The following SLC35D4 variants were observed in gnomAD, a reference collection of about 807,000 sequenced individuals.
The protein encoded by SLC35D4 is UDP-N-acetylglucosamine transporter SLC35D4.
chr18:23,328,674 T>C, the SLC35D4 span, among the ~76,000 whole-genome samples: 1 of 152,156 alleles, frequency 6.6e-6, no homozygotes, highest in African/African-American at 2.4e-5. Context: ...AAGCTACCAA[T>C]GACTTTCTTC....
the SLC35D4 span, among the ~76,000 whole-genome samples, chr18:23,282,691 G>A: frequency 6.6e-6 from 1 of 152,160 alleles, no homozygotes; most frequent in Non-Finnish European, 1.5e-5. Context: ...GGGTGGGAGT[G>A]GGGGGCAATG....
chr18:23,294,386 T>C, the SLC35D4 span, among the ~76,000 whole-genome samples: 53 of 152,170 alleles, frequency 3.5e-4, no homozygotes, highest in African/African-American at 1.2e-3. Flanking sequence ...GGGCTCATCC[T>C]TCATTCAGCG....
chr18:23,369,656 G>C, the SLC35D4 span, among the ~76,000 whole-genome samples: 2 of 152,184 alleles, frequency 1.3e-5, no homozygotes, highest in African/African-American at 4.8e-5. Context: ...GAAGGAAGGA[G>C]ATTGAGACTT....
the SLC35D4 span, among the ~76,000 whole-genome samples, chr18:23,385,659 T>C: frequency 3.3e-5 from 5 of 151,368 alleles, no homozygotes; most frequent in African/African-American, 9.7e-5. Context: ...GACAGGAAGG[T>C]AGAGAGGTAT....
chr18:23,263,326 C>T, the SLC35D4 span, among the ~76,000 whole-genome samples: 1 of 152,192 alleles, frequency 6.6e-6, no homozygotes, highest in Non-Finnish European at 1.5e-5. Context: ...CTTCTCCCTG[C>T]CCTTCCCAGC....
At chr18:23,295,301 A>G in the SLC35D4 span, among the ~76,000 whole-genome samples, 3 of 151,988 alleles carry the variant, frequency 2.0e-5, no homozygotes, top group African/African-American at 7.3e-5. Flanking sequence ...AGGTGCAGCA[A>G]ACCACCACGG....
chr18:23,363,659 T>C, the SLC35D4 span, among the ~76,000 whole-genome samples: 26 of 151,788 alleles, frequency 1.7e-4, no homozygotes, highest in East Asian at 2.7e-3. Context: ...CAGGCGTGAG[T>C]CACCACGCCC....
the SLC35D4 span, among the ~76,000 whole-genome samples, chr18:23,268,835 A>G: frequency 6.6e-6 from 1 of 151,960 alleles, no homozygotes; most frequent in Non-Finnish European, 1.5e-5. Flanking sequence ...TATACATACT[A>G]CAACAATAAA....
At chr18:23,356,451 CAT>C in the SLC35D4 span, 1 of 790,908 alleles carries the variant, frequency 1.3e-6, no homozygotes, top group East Asian at 2.7e-5. This position sits in a 1 kb window ranked among gnomAD's most constrained non-coding sequence, Gnocchi z 4.1. Context: ...CTGCTGGTGA[CAT>C]AATGACTGCT....
At chr18:23,260,865 C>T in the SLC35D4 span, among the ~76,000 whole-genome samples, 1 of 152,080 alleles carries the variant, frequency 6.6e-6, no homozygotes, top group African/African-American at 2.4e-5. Context: ...AAGCAGCTTC[C>T]AGTCATGCAG....
the SLC35D4 span, chr18:23,352,257 G>A: frequency 1.6e-5 from 25 of 1,610,666 alleles, 2 homozygotes; most frequent in South Asian, 2.5e-4. Flanking sequence ...TAGCTTCACT[G>A]TACTGAACAT....
At chr18:23,260,277 C>G in the SLC35D4 span, 1 of 152,290 alleles carries the variant, frequency 6.6e-6, no homozygotes, top group Admixed American at 6.5e-5. Context: ...TTTGTTGTTC[C>G]GATCACAGAT....
the SLC35D4 span, among the ~76,000 whole-genome samples, chr18:23,248,507 T>C: frequency 7.4e-6 from 1 of 135,258 alleles, no homozygotes. Flanking sequence ...AGCAAGACCC[T>C]ATGTCTTTTT....
the SLC35D4 span, among the ~76,000 whole-genome samples, chr18:23,338,947 A>G: frequency 6.6e-6 from 1 of 152,166 alleles, no homozygotes; most frequent in Non-Finnish European, 1.5e-5. Context: ...CAGTAGTGCA[A>G]TCATAGCTCA....
the SLC35D4 span, among the ~76,000 whole-genome samples, chr18:23,410,348 G>A: frequency 6.6e-6 from 1 of 151,852 alleles, no homozygotes; most frequent in East Asian, 1.9e-4. Context: ...GCGGTGGTGG[G>A]CGCCTGTAGT....
the SLC35D4 span, among the ~76,000 whole-genome samples, chr18:23,408,426 TG>T: frequency 6.6e-6 from 1 of 152,212 alleles, no homozygotes; most frequent in African/African-American, 2.4e-5. Flanking sequence ...CATTTTTTTT[TG>T]TCTTCTCTCT....
chr18:23,298,338 G>T, the SLC35D4 span, among the ~76,000 whole-genome samples: 1 of 152,208 alleles, frequency 6.6e-6, no homozygotes, highest in Non-Finnish European at 1.5e-5. Flanking sequence ...TCCTGACCAG[G>T]TGAGGATGAT....
the SLC35D4 span, among the ~76,000 whole-genome samples, chr18:23,279,732 A>G: frequency 6.6e-6 from 1 of 152,182 alleles, no homozygotes; most frequent in Non-Finnish European, 1.5e-5. Context: ...CCTTGAATTT[A>G]GACTGTCAGC....
chr18:23,269,930 G>A, the SLC35D4 span, among the ~76,000 whole-genome samples: 1 of 152,236 alleles, frequency 6.6e-6, no homozygotes, highest in African/African-American at 2.4e-5. Context: ...TTTGCAGCCT[G>A]ACGATGTGAT....
Sources: gnomAD v4.1 joint callset for allele counts (sites outside exome capture counted in the v4.1 genomes callset) on GRCh38, gnomAD v4.1.1 for gene constraint, Gnocchi (gnomAD v3.1) non-coding constraint, MANE v1.5 for transcripts, NCBI Gene and HGNC (gene_info 2026-07-23, HGNC 2026-07-21) for gene names.